Variants in GATAD2A observed in about 807,000 individuals in gnomAD.
The protein encoded by GATAD2A is transcriptional repressor p66-alpha.
A neutral mutation model predicts 68.5 loss-of-function variants in GATAD2A; 12 were observed. The observed-to-expected ratio is 0.18, with a 90% CI of 0.11 to 0.28. GATAD2A has a LOEUF of 0.28. Among genes scored for constraint, GATAD2A ranks in the 10% least tolerant of loss-of-function variants. The pLI, the probability that GATAD2A is intolerant of heterozygous loss-of-function variation, is 1.00. For missense variants in GATAD2A, 755 were observed against 868.5 expected (o/e 0.87, Z 1.64); for synonymous variants, 410 against 375.3 (o/e 1.09, Z -1.07).
chr19:19,401,371 G>A (rs1472564665), upstream of GATAD2A, among the ~76,000 whole-genome samples: 1 of 151,726 alleles, frequency 6.6e-6, no homozygotes, highest in Non-Finnish European at 1.5e-5. Flanking sequence ...GTGCCACCAT[G>A]CACAGCTAAT....
Position 19,506,031 on chromosome 19 carries a change from C to T in GATAD2A, c.*557C>T, listed in dbSNP as rs924772740. ...GAGTTAAAAGTAAACCGTGCAGACC[C>T]TGGGGTCCCTGTTGTACGCTGCATC... On this transcript the variant is annotated 3_prime_UTR_variant, in exon 12 of 12. Coordinates refer to ENST00000683918, the MANE Select transcript of GATAD2A (RefSeq NM_001384528.1). The T allele has an allele frequency of 1.8e-5, 7 of 398,746 alleles. No individual in the cohort carries two copies. Among genetic ancestry groups the T allele is most frequent in the African/African-American group, 8.2e-5 (4 of 48,530 alleles). The allele number at this position is 398,746 out of a possible 1,614,324, so 24.7% of individuals were successfully genotyped here.
At chr19:19,405,352 C>G (rs1278245471), upstream of GATAD2A, among the ~76,000 whole-genome samples, 2 of 152,208 alleles carry the variant, frequency 1.3e-5, no homozygotes, top group African/African-American at 4.8e-5. Context: ...TGAGGTCGCC[C>G]AGCTCAGCTG....
chr19:19,422,277 C>T lies in GATAD2A; in HGVS notation c.-7+16258C>T, dbSNP rs2052517484. Among the ~76,000 whole-genome samples the T allele has an allele frequency of 2.0e-5, 3 of 152,262 alleles. 1 individual carries two copies. In the South Asian group the frequency reaches 6.2e-4, roughly 32 times the overall value. On this transcript the variant is annotated intron_variant, in intron 1 of 11. Transcript: ENST00000683918. ...TTCAAGGCTCTGGGATTGCTTGCTTCCCACCGCAGGAGGCAGGCGGTTTGG... is the reference window on the plus strand; with the variant it reads ...TTCAAGGCTCTGGGATTGCTTGCTTTCCACCGCAGGAGGCAGGCGGTTTGG...
At chr19:19,386,340 A>G (rs532393003) in intron 1 of GATAD2A, among the ~76,000 whole-genome samples, 1 of 141,578 alleles carries the variant, frequency 7.1e-6, no homozygotes, top group Admixed American at 6.9e-5. Flanking sequence ...TCTCTTAGGG[A>G]CCCTCGCCTC....
rs199902842 is a variant in GATAD2A, at chr19:19,498,718, A to G, written c.1200A>G (p.Thr400=). Residue 400 remains threonine (T), a synonymous_variant, in exon 8 of 12, where the codon ACA becomes ACG. Coordinates refer to ENST00000683918, the MANE Select transcript of GATAD2A (RefSeq NM_001384528.1). The part of the protein sequence containing the change: ...LEEVVQNLLE[T]QAGRMSAATV... The stretch of plus-strand genomic sequence containing the variant: ...AGGTGGTGCAGAACCTACTGGAGAC[A>G]CAAGGTGAGTGGCCTGGACCCAGCC... The G allele has an allele frequency of 5.6e-4, 903 of 1,606,486 alleles. 2 individuals carry two copies. The highest frequency in any genetic ancestry group is 2.2e-3 in the Middle Eastern group (13 of 6,016).
rs561425470 is a variant in GATAD2A at position 19,460,723 on chromosome 19, C to T, written c.-6-4617C>T. On this transcript the variant is annotated intron_variant, in intron 1 of 11. Coordinates refer to ENST00000683918, the MANE Select transcript of GATAD2A (RefSeq NM_001384528.1). ...ACAAGTGAAAGAAAGCAACCCCCTCCGGAGTGCCCCAACTCCCCTCTGCTC... is the reference window on the plus strand; with the variant it reads ...ACAAGTGAAAGAAAGCAACCCCCTCTGGAGTGCCCCAACTCCCCTCTGCTC... Among the ~76,000 whole-genome samples the T allele has an allele frequency of 5.9e-5, 9 of 152,330 alleles. No individual in the cohort carries two copies. In the East Asian group the frequency reaches 1.2e-3, roughly 20 times the overall value.
At chr19:19,402,280 A>G (rs1459827397), upstream of GATAD2A, 1 of 151,852 alleles carries the variant, frequency 6.6e-6, no homozygotes, top group Non-Finnish European at 1.5e-5. Flanking sequence ...CTGGTTTCAA[A>G]TTCTTGGCCT....
At chr19:19,443,106 G>A (rs2055300783) in intron 1 of GATAD2A, among the ~76,000 whole-genome samples, 1 of 152,138 alleles carries the variant, frequency 6.6e-6, no homozygotes, top group South Asian at 2.1e-4. Context: ...GCCACATGTG[G>A]CTAATGGGCA....
intron 7 of GATAD2A, among the ~76,000 whole-genome samples, chr19:19,496,662 A>G (rs542546754): frequency 2.0e-5 from 3 of 152,296 alleles, no homozygotes; most frequent in East Asian, 1.9e-4. Flanking sequence ...TCCTCAGCAA[A>G]TGTTCTCATG....
chr19:19,461,286 G>C (rs1259060853), intron 1 of GATAD2A, among the ~76,000 whole-genome samples: 2 of 152,194 alleles, frequency 1.3e-5, no homozygotes, highest in African/African-American at 4.8e-5. Flanking sequence ...TTATGGTAGA[G>C]TTAGTATTAG....
chr19:19,502,086 C>T, intron 10 of GATAD2A, 43 bp downstream of exon 10: 2 of 1,428,264 alleles, frequency 1.4e-6, no homozygotes, highest in Non-Finnish European at 2.0e-6. Flanking sequence ...GCCCCCACCG[C>T]AGCCCGTGAC....
At chr19:19,469,730 A>G (rs1329230590) in intron 2 of GATAD2A, among the ~76,000 whole-genome samples, 1 of 152,164 alleles carries the variant, frequency 6.6e-6, no homozygotes, top group African/African-American at 2.4e-5. Context: ...GCGGATCACA[A>G]GGTCAGGAGT....
At chr19:19,474,225 T>A in intron 2 of GATAD2A, 44 of 834,234 alleles carry the variant, frequency 5.3e-5, no homozygotes, top group South Asian at 5.5e-5. Context: ...GAGGGTGAGG[T>A]CGACACTGGA....
intron 1 of GATAD2A, among the ~76,000 whole-genome samples, chr19:19,386,417 G>C (rs1246648727): frequency 6.7e-6 from 1 of 148,460 alleles, no homozygotes; most frequent in Non-Finnish European, 1.5e-5. Context: ...CTCTCTAGGG[G>C]ACCCCGTCTC....
intron 1 of GATAD2A, among the ~76,000 whole-genome samples, chr19:19,418,645 G>A (rs2051946138): frequency 6.6e-6 from 1 of 152,146 alleles, no homozygotes; most frequent in Non-Finnish European, 1.5e-5. Context: ...GAAAGACCCA[G>A]AGCGATTAAG....
intron 2 of GATAD2A, among the ~76,000 whole-genome samples, chr19:19,484,056 C>A (rs2059246517): frequency 6.6e-6 from 1 of 152,038 alleles, no homozygotes; most frequent in South Asian, 2.1e-4. Context: ...CAGTGAGCAG[C>A]CCCCACGTCC....
At chr19:19,400,551 T>C (rs566882474) in intron 1 of GATAD2A, among the ~76,000 whole-genome samples, 1 of 152,232 alleles carries the variant, frequency 6.6e-6, no homozygotes, top group South Asian at 2.1e-4. Context: ...TGGTGATACA[T>C]TGGAAGTACT....
chr19:19,500,675 T>C (rs895003108), intron 8 of GATAD2A, among the ~76,000 whole-genome samples: 1 of 152,224 alleles, frequency 6.6e-6, no homozygotes, highest in African/African-American at 2.4e-5. Flanking sequence ...GCCCTGCCAC[T>C]GAGTGACAAT....
At chr19:19,405,086 C>T (rs1019292305), upstream of GATAD2A, among the ~76,000 whole-genome samples, 1 of 152,126 alleles carries the variant, frequency 6.6e-6, no homozygotes, top group African/African-American at 2.4e-5. Flanking sequence ...TTTTCACCTT[C>T]TCCCTGAGGC....
Sources: gnomAD v4.1 joint callset for allele counts (sites outside exome capture counted in the v4.1 genomes callset) on GRCh38, gnomAD v4.1.1 for gene constraint, MANE v1.5 for transcripts, NCBI Gene and HGNC (gene_info 2026-07-23, HGNC 2026-07-21) for gene names.